The following SIRT3 variants were observed in gnomAD, a reference collection of about 807,000 sequenced individuals.
The protein encoded by SIRT3 is sirtuin 3.
A neutral mutation model predicts 33.5 loss-of-function variants in SIRT3; 26 were observed. The ratio of observed to expected loss-of-function variants is 0.78; its 90% CI spans 0.57 to 1.08. SIRT3 has a LOEUF of 1.08. Ranked by LOEUF, SIRT3 falls within the 50% of genes least tolerant of loss-of-function variation. The pLI is 0.00. For synonymous variants in SIRT3, 237 were observed against 222.1 expected (o/e 1.07, Z -0.60); for missense variants, 585 against 530.1 (o/e 1.10, Z -1.02).
At chr11:225,229 T>C (rs1373466182) in intron 4 of SIRT3, among the ~76,000 whole-genome samples, 1 of 152,034 alleles carries the variant, frequency 6.6e-6, no homozygotes, top group Non-Finnish European at 1.5e-5. Flanking sequence ...TTGGCCAACA[T>C]GGTGAAACCC....
chr11:231,835 T>A (rs1858059582), intron 3 of SIRT3, among the ~76,000 whole-genome samples: 1 of 151,514 alleles, frequency 6.6e-6, no homozygotes, highest in East Asian at 2.0e-4. Context: ...TGCCACCTCT[T>A]TTTAACTGAC....
intron 1 of SIRT3, 51 bp from the exon 2 acceptor site, chr11:233,585 G>C: frequency 6.3e-7 from 1 of 1,586,352 alleles, no homozygotes; most frequent in South Asian, 1.1e-5. Flanking sequence ...ACCAATCTCA[G>C]GATAGCAAGA....
chr11:223,559 C>T lies in SIRT3; in HGVS notation c.969+519G>A. 2.5e-6 allele frequency: 1 copy of T among 398,556 alleles called. No homozygotes were observed. The highest frequency in any genetic ancestry group is 3.6e-5 in the Admixed American group (1 of 27,698). The allele number at this position is 398,556 out of a possible 1,614,324, so 24.7% of individuals were successfully genotyped here. A position where few individuals can be genotyped will look rare whatever the true frequency, so the allele number is the denominator to read the frequency against. The stretch of plus-strand genomic sequence containing the variant: ...TGTGGATTTATCACTCCTCCCACTG[C>T]AGCATCAGTATTCCTGATCTGACCT... On this transcript the variant is annotated intron_variant, in intron 5 of 6. Coordinates refer to ENST00000382743, the MANE Select transcript of SIRT3 (RefSeq NM_012239.6). This position sits in a 1 kb window ranked among gnomAD's most constrained non-coding sequence, Gnocchi z 4.8.
At position 223,176 on chromosome 11, in the gene SIRT3, C is replaced by G. The variant is rs1314965970; in HGVS notation, c.969+902G>C. 1 of 156,724 alleles carries G rather than the reference C, an allele frequency of 6.4e-6. No individual in the cohort carries two copies. The highest frequency in any genetic ancestry group is 1.4e-5 in the Non-Finnish European group (1 of 70,864). 9.7% of individuals were successfully genotyped at this position (156,724 alleles called of 1,614,324 possible). On this transcript the variant is annotated intron_variant, in intron 5 of 6. Coordinates refer to ENST00000382743, the MANE Select transcript of SIRT3 (RefSeq NM_012239.6). This position sits in a 1 kb window ranked among gnomAD's most constrained non-coding sequence, Gnocchi z 4.8. ...TGACTTCATGGTCTCATTTCTTGCT[C>G]TCATCACAGCTTTTAGGAATTTCCT...
chr11:233,225 G>A lies in SIRT3; in HGVS notation c.474-10C>T, dbSNP rs759711528. 1 of 1,611,564 alleles carries A rather than the reference G, an allele frequency of 6.2e-7. No individual in the cohort carries two copies. The highest frequency in any genetic ancestry group is 8.5e-7 in the Non-Finnish European group (1 of 1,178,382). ...GCCACTCCCCGGCGATCTGCAGGGA[G>A]AGAAGAAAGGCTCTGAGGCCTTTGG... On this transcript the variant is annotated splice_polypyrimidine_tract_variant and intron_variant, in intron 2 of 6. Transcript: ENST00000382743.
At chr11:217,208 G>A (rs1044679551) in intron 6 of SIRT3, among the ~76,000 whole-genome samples, 2 of 152,214 alleles carry the variant, frequency 1.3e-5, no homozygotes, top group African/African-American at 4.8e-5. Flanking sequence ...CCAGCACTTT[G>A]GGAGGCTGAG....
In SIRT3 at chr11:233,082, T is replaced by A. The variant is rs1858315557; in HGVS notation, c.607A>T (p.Asn203Tyr). ...FTLAKELYPG[N>Y]YKPNVTHYFL... ...TAGTGAGTGACGTTGGGCTTGTAGT[T>A]TCCAGGGTACAGCTCCTTGGCCAAA... Residue 203 changes from asparagine (N) to tyrosine (Y), a missense_variant, in exon 3 of 7, where the codon AAC becomes TAC. Transcript: ENST00000382743. The A allele has an allele frequency of 6.2e-7, 1 of 1,614,024 alleles. No individual in the cohort carries two copies. The highest frequency in any genetic ancestry group is 1.7e-5 in the Admixed American group (1 of 60,002).
chr11:223,774 C>T lies in SIRT3; in HGVS notation c.969+304G>A, dbSNP rs1856750096. The T allele has an allele frequency of 9.1e-7, 1 of 1,093,288 alleles. No homozygotes were observed. The highest frequency in any genetic ancestry group is 1.3e-5 in the South Asian group (1 of 77,564). 67.7% of individuals were successfully genotyped at this position (1,093,288 alleles called of 1,614,324 possible). The stretch of plus-strand genomic sequence containing the variant: ...TCCATTCACCTTCCCAAAGTGGCAC[C>T]AGCCCTGGAAGGGCCCATGAGATGA... On this transcript the variant is annotated intron_variant, in intron 5 of 6. Transcript: ENST00000382743. The surrounding 1 kb of genome is among the most constrained non-coding windows in gnomAD (Gnocchi z 4.8).
At position 224,172 on chromosome 11, in the gene SIRT3, A is replaced by G; in HGVS notation, c.875T>C (p.Val292Ala). Residue 292 changes from valine to alanine, a missense_variant, in exon 5 of 7, where the codon GTG becomes GCG. By Grantham distance (64) the Val-to-Ala change is moderately conservative. Transcript: ENST00000382743. ...VCTGVVKPDI[V>A]FFGEPLPQRF... Reference sequence around the variant, plus strand: ...CTGGGGCAGCGGCTCCCCAAAGAACACAATGTCGGGCTTCACAACGCCGGT... The same window carrying G: ...CTGGGGCAGCGGCTCCCCAAAGAACGCAATGTCGGGCTTCACAACGCCGGT... 1 of 1,614,144 alleles carries G rather than the reference A, an allele frequency of 6.2e-7. No homozygotes were observed. Among genetic ancestry groups the G allele is most frequent in the Non-Finnish European group, 8.5e-7 (1 of 1,180,030 alleles).
At chr11:228,324 T>C (rs535332359) in intron 4 of SIRT3, among the ~76,000 whole-genome samples, 10 of 152,210 alleles carry the variant, frequency 6.6e-5, no homozygotes, top group African/African-American at 2.4e-4. Context: ...AAAACAATAA[T>C]ACGTATATAT....
At chr11:235,523 T>G (rs2133960512) in intron 1 of SIRT3, among the ~76,000 whole-genome samples, 1 of 152,348 alleles carries the variant, frequency 6.6e-6, no homozygotes, top group East Asian at 1.9e-4. Context: ...CACCAACATT[T>G]TCAGCAGTTG....
In SIRT3 at chr11:233,189, T is replaced by G; in HGVS notation, c.500A>C (p.Asn167Thr). Residue 167 changes from asparagine (N) to threonine (T), a missense_variant, in exon 3 of 7, where the codon AAC becomes ACC. Coordinates refer to ENST00000382743, the MANE Select transcript of SIRT3 (RefSeq NM_012239.6). The part of the protein sequence containing the change: ...FRSPGSGLYS[N>T]LQQYDLPYPE... ...GTACGGGAGATCGTACTGCTGGAGG[T>G]TGCTGTACAGGCCACTCCCCGGCGA... 1.9e-6 allele frequency: 3 copies of G among 1,613,680 alleles called. No individual in the cohort carries two copies. The highest frequency in any genetic ancestry group is 1.1e-5 in the South Asian group (1 of 91,036).
At chr11:224,267 G>A in intron 4 of SIRT3, 28 bp from the exon 5 acceptor site, 2 of 1,609,550 alleles carry the variant, frequency 1.2e-6, no homozygotes, top group Non-Finnish European at 1.7e-6. Flanking sequence ...CAGGCCTGAG[G>A]AAGATGCCTG....
At chr11:219,401 G>A (rs927833480) in intron 5 of SIRT3, among the ~76,000 whole-genome samples, 1 of 152,164 alleles carries the variant, frequency 6.6e-6, no homozygotes, top group Non-Finnish European at 1.5e-5. Context: ...GCATGACGCA[G>A]AGGGACAACA....
rs1438415636 is a variant in SIRT3 at position 223,433 on chromosome 11, A to G, written c.969+645T>C. 4.0e-6 allele frequency: 1 copy of G among 250,298 alleles called. No homozygotes were observed. The highest frequency in any genetic ancestry group is 2.2e-5 in the African/African-American group (1 of 44,978). 15.5% of individuals were successfully genotyped at this position (250,298 alleles called of 1,614,324 possible). On this transcript the variant is annotated intron_variant, in intron 5 of 6. Transcript: ENST00000382743. This position sits in a 1 kb window ranked among gnomAD's most constrained non-coding sequence, Gnocchi z 4.8. ...CCATCCCTCAGGCGACCACAGCTCCACCTTCTCCAGGACCAGCCTCCTGGC... is the reference window on the plus strand; with the variant it reads ...CCATCCCTCAGGCGACCACAGCTCCGCCTTCTCCAGGACCAGCCTCCTGGC...
Position 224,217 on chromosome 11 carries a change from A to C in SIRT3, c.830T>G (p.Val277Gly), listed in dbSNP as rs1856847817. Residue 277 changes from valine (V) to glycine (G), a missense_variant, in exon 5 of 7, where the codon GTT becomes GGT. Physicochemically the swap from Val to Gly is moderately radical, Grantham distance 109. Transcript: ENST00000382743. ...DIRADVMADR[V>G]PRCPVCTGVV... is the part of the protein sequence containing the mutation. ...GCCGGTGCAGACCGGGCAGCGGGGA[A>C]CCCTGTCTGCCATCACGTCAGCCTG... is the stretch of plus-strand genomic sequence containing the variant. The C allele has an allele frequency of 6.2e-7, 1 of 1,613,950 alleles. No individual in the cohort carries two copies. The highest frequency in any genetic ancestry group is 1.7e-5 in the Admixed American group (1 of 60,010).
chr11:235,905 GA>G (rs1858980691), intron 1 of SIRT3, 142 bp downstream of exon 1: 2 of 828,828 alleles, frequency 2.4e-6, no homozygotes, highest in African/African-American at 3.5e-5. Context: ...GACGTCCACA[GA>G]TCAGCATAAA....
intron 6 of SIRT3, 141 bp from the exon 7 acceptor site, chr11:216,859 T>G: frequency 1.1e-6 from 1 of 920,894 alleles, no homozygotes; most frequent in Non-Finnish European, 1.8e-6. Flanking sequence ...CTGCTGCTGC[T>G]GTGCTGGGCT....
At chr11:231,867 G>T (rs1442875576) in intron 3 of SIRT3, among the ~76,000 whole-genome samples, 2 of 31,870 alleles carry the variant, frequency 6.3e-5, no homozygotes, top group African/African-American at 4.0e-4. Flanking sequence ...AGTCTCTCCG[G>T]GAGCCTGGCT....
Sources: gnomAD v4.1 joint callset for allele counts (sites outside exome capture counted in the v4.1 genomes callset) on GRCh38, gnomAD v4.1.1 for gene constraint, Gnocchi (gnomAD v3.1) non-coding constraint, MANE v1.5 for transcripts, NCBI Gene and HGNC (gene_info 2026-07-23, HGNC 2026-07-21) for gene names.